Variants in ST3GAL2 observed in about 807,000 individuals in gnomAD.
ST3GAL2 encodes the protein ST3 beta-galactoside alpha-2,3-sialyltransferase 2.
In ST3GAL2, 16 loss-of-function variants were observed where a neutral mutation model predicts 37.5. That is an observed-to-expected ratio of 0.43 (90% CI 0.29 to 0.65). ST3GAL2 has a LOEUF of 0.65. Ranked by LOEUF, ST3GAL2 falls within the 30% of genes least tolerant of loss-of-function variation. The probability of loss-of-function intolerance (pLI) is 0.17; values close to 1 mark genes in which losing one functional copy is unlikely to be tolerated. For missense variants in ST3GAL2, 383 were observed against 487.8 expected (o/e 0.79, Z 2.02); for synonymous variants, 238 against 202.9 (o/e 1.17, Z -1.47).
In ST3GAL2 at chr16:70,426,191, T is replaced by TG. The variant is rs1324493192; in HGVS notation, c.-1004+12757_-1004+12758insC. On this transcript the variant is annotated intron_variant, in intron 1 of 6. Coordinates refer to ENST00000342907, the MANE Select transcript of ST3GAL2 (RefSeq NM_006927.4). ...TATGGGGGCCAAAGCCTTTTTTTTT[T>TG]TTTTTTTTTTTTTTGTTTTTGAGAC... Among the ~76,000 whole-genome samples the TG allele has an allele frequency of 8.5e-5, 12 of 141,868 alleles. No individual in the cohort carries two copies. The East Asian group carries it at 2.3e-3, about 27-fold the overall frequency. The allele number at this position is 141,868 out of a possible 152,430, so 93.1% of individuals were successfully genotyped here. A position where few individuals can be genotyped will look rare whatever the true frequency, so the allele number is the denominator to read the frequency against.
chr16:70,404,513 C>G (rs2047576031), intron 1 of ST3GAL2, among the ~76,000 whole-genome samples: 1 of 152,158 alleles, frequency 6.6e-6, no homozygotes, highest in Admixed American at 6.6e-5. Flanking sequence ...TCCTGCCCAT[C>G]AGGGTGGCTG....
intron 1 of ST3GAL2, among the ~76,000 whole-genome samples, chr16:70,408,890 C>CAAAACAAAAAAA (rs2047613111): frequency 1.7e-5 from 1 of 59,854 alleles, no homozygotes; most frequent in African/African-American, 5.2e-5. Context: ...CTCAAAGAAA[C>CAAAACAAAAAAA]AAAAAAAAAA....
At position 70,377,178 on chromosome 16, in the gene ST3GAL2, T is replaced by TAAAAAAAAAAAAAAAAAAAAAAAAAAA. The variant is rs34454921; in HGVS notation, c.*4510_*4511insTTTTTTTTTTTTTTTTTTTTTTTTTTT. The TAAAAAAAAAAAAAAAAAAAAAAAAAAA allele has an allele frequency of 1.2e-5, 1 of 85,480 alleles. No homozygotes were observed. The highest frequency in any genetic ancestry group is 6.1e-5 in the African/African-American group (1 of 16,272). 5.3% of individuals were successfully genotyped at this position (85,480 alleles called of 1,614,324 possible). On this transcript the variant is annotated 3_prime_UTR_variant, in exon 7 of 7. Coordinates refer to ENST00000342907, the MANE Select transcript of ST3GAL2 (RefSeq NM_006927.4). ...CTGGGCGACAGGAGACCCTGTCTCT[T>TAAAAAAAAAAAAAAAAAAAAAAAAAAA]AAAAAAAAAAAAAAAAAAAAAAAAA...
chr16:70,397,481 T>A (rs538449050), intron 2 of ST3GAL2, among the ~76,000 whole-genome samples: 1 of 151,898 alleles, frequency 6.6e-6, no homozygotes, highest in Non-Finnish European at 1.5e-5. Context: ...CCCAGCACTT[T>A]GGGAAGCTGA....
chr16:70,388,678 G>A (rs985494125), intron 3 of ST3GAL2, 132 bp from the exon 4 acceptor site: 3 of 976,844 alleles, frequency 3.1e-6, no homozygotes, highest in South Asian at 1.7e-5. Context: ...TCCATTGCTA[G>A]AAATCTGCCC....
chr16:70,431,908 G>A (rs920104124), intron 1 of ST3GAL2, among the ~76,000 whole-genome samples: 6 of 151,890 alleles, frequency 4.0e-5, no homozygotes, highest in African/African-American at 1.5e-4. Flanking sequence ...AGCTTGCAGT[G>A]AGCCGAGATG....
At position 70,382,717 on chromosome 16, in the gene ST3GAL2, C is replaced by T. The variant is rs1007811202; in HGVS notation, c.879+88G>A. On this transcript the variant is annotated intron_variant, in intron 6 of 6. Transcript: ENST00000342907. ...CACATGGATTCTGCCTACAGAAGCACATTCCTCTGTTAGCCTGCTAAGACC... is the reference window on the plus strand; with the variant it reads ...CACATGGATTCTGCCTACAGAAGCATATTCCTCTGTTAGCCTGCTAAGACC... The T allele has an allele frequency of 3.1e-5, 49 of 1,574,888 alleles. No homozygotes were observed. In the Middle Eastern group the frequency reaches 1.3e-3, roughly 41 times the overall value.
chr16:70,386,105 C>G (rs1487476501), intron 4 of ST3GAL2, among the ~76,000 whole-genome samples: 1 of 152,160 alleles, frequency 6.6e-6, no homozygotes, highest in African/African-American at 2.4e-5. Flanking sequence ...ACTGTAACCT[C>G]TGCCTCCCAG....
At chr16:70,438,887 G>A (rs995493886) in intron 1 of ST3GAL2, 62 bp downstream of exon 1, 3 of 152,152 alleles carry the variant, frequency 2.0e-5, no homozygotes, top group Non-Finnish European at 4.4e-5. Flanking sequence ...CGCAGGGGAG[G>A]TCTGGGCAGC....
intron 3 of ST3GAL2, 60 bp downstream of exon 3, chr16:70,394,922 G>C: frequency 6.4e-7 from 1 of 1,570,388 alleles, no homozygotes; most frequent in Non-Finnish European, 8.6e-7. Flanking sequence ...AGGCAGAGGA[G>C]GGCAGTCCCC....
In ST3GAL2 at chr16:70,398,770, C is replaced by T. The variant is rs553730136; in HGVS notation, c.-240G>A. On this transcript the variant is annotated 5_prime_UTR_variant, in exon 2 of 7. Coordinates refer to ENST00000342907, the MANE Select transcript of ST3GAL2 (RefSeq NM_006927.4). ...GCGGGGCCCCTGCTTAGGGCTTCAT[C>T]GGGTCTCTCCGTCACTAGCTAGGCC... 6.8e-6 allele frequency: 4 copies of T among 586,994 alleles called. No homozygotes were observed. The highest frequency in any genetic ancestry group is 9.1e-6 in the Non-Finnish European group (3 of 330,016). The allele number at this position is 586,994 out of a possible 1,614,324, so 36.4% of individuals were successfully genotyped here.
At chr16:70,388,677 A>AGGTT in intron 3 of ST3GAL2, 131 bp from the exon 4 acceptor site, 2 of 986,328 alleles carry the variant, frequency 2.0e-6, no homozygotes, top group Non-Finnish European at 2.9e-6. Context: ...TTCCATTGCT[A>AGGTT]GAAATCTGCC....
At position 70,379,992 on chromosome 16, in the gene ST3GAL2, A is replaced by C. The variant is rs1172675911; in HGVS notation, c.*1697T>G. 1 of 152,086 alleles carries C rather than the reference A, an allele frequency of 6.6e-6. No individual in the cohort carries two copies. The highest frequency in any genetic ancestry group is 2.1e-4 in the South Asian group (1 of 4,830). The allele number at this position is 152,086 out of a possible 1,614,324, so 9.4% of individuals were successfully genotyped here. ...AAAGAAATAAATTATTCTGCTCAAT[A>C]CTGTTTGGCATAATTGCATTGCTTT... On this transcript the variant is annotated 3_prime_UTR_variant, in exon 7 of 7. Coordinates refer to ENST00000342907, the MANE Select transcript of ST3GAL2 (RefSeq NM_006927.4).
intron 1 of ST3GAL2, among the ~76,000 whole-genome samples, chr16:70,411,235 A>T (rs531673372): frequency 6.6e-6 from 1 of 152,038 alleles, no homozygotes; most frequent in East Asian, 1.9e-4. Context: ...AAATACAAAA[A>T]TTAGCTGGGC....
intron 1 of ST3GAL2, among the ~76,000 whole-genome samples, chr16:70,409,547 T>C (rs903292500): frequency 6.6e-6 from 1 of 152,156 alleles, no homozygotes; most frequent in South Asian, 2.1e-4. Flanking sequence ...TTAACCGTGT[T>C]GGCCAGGCTG....
chr16:70,414,395 C>T (rs2047660850), intron 1 of ST3GAL2, among the ~76,000 whole-genome samples: 1 of 152,222 alleles, frequency 6.6e-6, no homozygotes, highest in Non-Finnish European at 1.5e-5. Flanking sequence ...TCAGATGTGG[C>T]CTGGGCAGGC....
At position 70,381,466 on chromosome 16, in the gene ST3GAL2, A is replaced by T; in HGVS notation, c.*223T>A. On this transcript the variant is annotated 3_prime_UTR_variant, in exon 7 of 7. Transcript: ENST00000342907. ...GGAGGAGACTGGACACAGCGCCGGA[A>T]GTTTTCCTTGAGTCACATGATTGGC... 1.7e-6 allele frequency: 1 copy of T among 590,906 alleles called. No individual in the cohort carries two copies. The highest frequency in any genetic ancestry group is 3.0e-6 in the Non-Finnish European group (1 of 338,564). 36.6% of individuals were successfully genotyped at this position (590,906 alleles called of 1,614,324 possible). A position where few individuals can be genotyped will look rare whatever the true frequency, so the allele number is the denominator to read the frequency against.
intron 1 of ST3GAL2, among the ~76,000 whole-genome samples, chr16:70,426,384 G>A (rs56239343): frequency 6.6e-6 from 1 of 151,452 alleles, no homozygotes; most frequent in South Asian, 2.1e-4. Context: ...ATTTTTCGTA[G>A]ACACGGGGTT....
chr16:70,410,767 T>G (rs1202836527), intron 1 of ST3GAL2, among the ~76,000 whole-genome samples: 1 of 150,286 alleles, frequency 6.7e-6, no homozygotes, highest in Non-Finnish European at 1.5e-5. Flanking sequence ...ACAATTCTAG[T>G]TTTCTCTTAA....
Sources: allele counts gnomAD v4.1 joint callset (sites outside exome capture counted in the v4.1 genomes callset), GRCh38; gene constraint gnomAD v4.1.1; transcripts MANE v1.5; gene names NCBI Gene and HGNC (gene_info 2026-07-23, HGNC 2026-07-21).